SH2D4A: variants seen among roughly 807,000 people sequenced by gnomAD.
SH2D4A encodes SH2 domain containing 4A.
A neutral mutation model predicts 64.7 loss-of-function variants in SH2D4A; 70 were observed. The observed-to-expected ratio is 1.08, with a 90% CI of 0.89 to 1.32. SH2D4A has a LOEUF of 1.32. Among genes scored for constraint, SH2D4A ranks in the 40% most tolerant of loss-of-function variants. SH2D4A has a pLI of 0.00. For synonymous variants in SH2D4A, 268 were observed against 200.7 expected (o/e 1.34, Z -2.83); for missense variants, 706 against 540.1 (o/e 1.31, Z -3.04).
At chr8:19,335,150 T>C (rs1035194535) in intron 4 of SH2D4A, among the ~76,000 whole-genome samples, 3 of 151,282 alleles carry the variant, frequency 2.0e-5, no homozygotes, top group Admixed American at 1.3e-4. Flanking sequence ...TAGCTGGGCG[T>C]GGTGGCGGGC....
intron 2 of SH2D4A, among the ~76,000 whole-genome samples, chr8:19,331,700 A>G (rs575157277): frequency 4.4e-4 from 67 of 152,332 alleles, no homozygotes; most frequent in Non-Finnish European, 6.5e-4. Context: ...GTTAACCTCT[A>G]TTGAACTCCT....
At chr8:19,348,723 G>T (rs749214989) in intron 4 of SH2D4A, among the ~76,000 whole-genome samples, 8 of 152,176 alleles carry the variant, frequency 5.3e-5, no homozygotes, top group Non-Finnish European at 8.8e-5. Context: ...AAAAGTTTTT[G>T]GTTTTCTGTC....
chr8:19,364,344 A>G (rs556848009), intron 7 of SH2D4A, 62 bp downstream of exon 7: 2 of 1,572,262 alleles, frequency 1.3e-6, no homozygotes, highest in African/African-American at 2.7e-5. Flanking sequence ...ATAAGCGTTG[A>G]AATTAAAGGG....
chr8:19,318,676 C>A (rs2052131464), intron 1 of SH2D4A, among the ~76,000 whole-genome samples: 1 of 152,200 alleles, frequency 6.6e-6, no homozygotes, highest in African/African-American at 2.4e-5. Flanking sequence ...AACTCGGTGA[C>A]CTTCCAGAAT....
chr8:19,373,731 C>T, intron 8 of SH2D4A, 71 bp downstream of exon 8: 1 of 1,512,246 alleles, frequency 6.6e-7, no homozygotes, highest in East Asian at 2.3e-5. Flanking sequence ...TACCAGGAAG[C>T]CAGAATAAAA....
chr8:19,362,140 A>G (rs2052901350), intron 6 of SH2D4A, among the ~76,000 whole-genome samples: 1 of 152,208 alleles, frequency 6.6e-6, no homozygotes, highest in South Asian at 2.1e-4. Flanking sequence ...GGATGTTGAG[A>G]TCCTACATTG....
intron 8 of SH2D4A, among the ~76,000 whole-genome samples, chr8:19,385,313 G>A (rs928895931): frequency 6.6e-6 from 1 of 151,178 alleles, no homozygotes; most frequent in Non-Finnish European, 1.5e-5. Context: ...AGGTTCAAAT[G>A]ATTCTCCTGC....
chr8:19,361,606 A>G (rs1452832577), intron 6 of SH2D4A, among the ~76,000 whole-genome samples: 1 of 152,130 alleles, frequency 6.6e-6, no homozygotes, highest in Non-Finnish European at 1.5e-5. Flanking sequence ...ATGATCTTAG[A>G]CTGTTTATAT....
chr8:19,336,453 C>T (rs1171394571), intron 4 of SH2D4A, among the ~76,000 whole-genome samples: 1 of 152,140 alleles, frequency 6.6e-6, no homozygotes, highest in Non-Finnish European at 1.5e-5. Context: ...CCCAGGTGTG[C>T]TTTGCACTCA....
chr8:19,366,344 G>A (rs1213871926), intron 7 of SH2D4A, among the ~76,000 whole-genome samples: 1 of 152,188 alleles, frequency 6.6e-6, no homozygotes, highest in Non-Finnish European at 1.5e-5. Context: ...TTTGAAGTAT[G>A]TAGTACATTA....
chr8:19,372,339 A>T (rs2053116391), intron 7 of SH2D4A, among the ~76,000 whole-genome samples: 1 of 152,124 alleles, frequency 6.6e-6, no homozygotes, highest in Non-Finnish European at 1.5e-5. Flanking sequence ...GATGGACCTG[A>T]GGAAGAACTC....
intron 7 of SH2D4A, among the ~76,000 whole-genome samples, chr8:19,369,750 T>A (rs2053062934): frequency 6.6e-6 from 1 of 152,032 alleles, no homozygotes; most frequent in East Asian, 1.9e-4. Context: ...CTTATGTGAG[T>A]TTTGTTATTA....
chr8:19,335,976 C>T (rs2052439311), intron 4 of SH2D4A, among the ~76,000 whole-genome samples: 1 of 152,150 alleles, frequency 6.6e-6, no homozygotes, highest in Non-Finnish European at 1.5e-5. Flanking sequence ...GCTGTGTGTG[C>T]TTTTGACTTC....
chr8:19,372,263 C>T (rs909385099), intron 7 of SH2D4A, among the ~76,000 whole-genome samples: 2 of 152,146 alleles, frequency 1.3e-5, no homozygotes, highest in African/African-American at 2.4e-5. Flanking sequence ...CACTAGAGGG[C>T]GCTCCAAGTC....
intron 4 of SH2D4A, among the ~76,000 whole-genome samples, chr8:19,347,393 C>G (rs2052629251): frequency 1.3e-5 from 2 of 152,158 alleles, no homozygotes. Context: ...AACTGCGAGT[C>G]CCCTGCAGCT....
intron 2 of SH2D4A, among the ~76,000 whole-genome samples, chr8:19,331,978 G>A (rs2052370420): frequency 6.6e-6 from 1 of 151,944 alleles, no homozygotes; most frequent in Admixed American, 6.6e-5. Context: ...ACAAAGCAAA[G>A]CCCTGTCTCT....
At chr8:19,358,686 G>T (rs1270660475) in intron 5 of SH2D4A, among the ~76,000 whole-genome samples, 1 of 152,170 alleles carries the variant, frequency 6.6e-6, no homozygotes, top group Non-Finnish European at 1.5e-5. Flanking sequence ...GTAGAACAAA[G>T]GTGATAAAAC....
chr8:19,378,843 T>G (rs1403705466), intron 8 of SH2D4A, among the ~76,000 whole-genome samples: 2 of 147,840 alleles, frequency 1.4e-5, no homozygotes, highest in African/African-American at 5.1e-5. Context: ...CCCAGGAGTT[T>G]GAGATCAGCA....
chr8:19,351,976 T>C (rs1289560300), intron 4 of SH2D4A, among the ~76,000 whole-genome samples: 3 of 152,072 alleles, frequency 2.0e-5, no homozygotes, highest in African/African-American at 7.2e-5. Flanking sequence ...AGAGATGGGG[T>C]TTCACCATGT....
Sources: allele counts gnomAD v4.1 joint callset (sites outside exome capture counted in the v4.1 genomes callset), GRCh38; gene constraint gnomAD v4.1.1; transcripts MANE v1.5; gene names NCBI Gene and HGNC (gene_info 2026-07-23, HGNC 2026-07-21).